DLGAP1: variants seen among roughly 807,000 people sequenced by gnomAD.
DLGAP1 encodes DLG associated protein 1.
In DLGAP1, 11 loss-of-function variants were observed where a neutral mutation model predicts 90.8. The ratio of observed to expected loss-of-function variants is 0.12; its 90% CI spans 0.08 to 0.20. The LOEUF (loss-of-function observed/expected upper bound fraction) is 0.20, where lower values mean the gene tolerates loss of function less well. Among genes scored for constraint, DLGAP1 ranks in the 10% least tolerant of loss-of-function variants. DLGAP1 has a pLI of 1.00. For missense variants in DLGAP1, 1,050 were observed against 1,333.8 expected (o/e 0.79, Z 3.31); for synonymous variants, 558 against 540.7 (o/e 1.03, Z -0.44).
chr18:3,898,136 CT>C (rs1368021646), intron 3 of DLGAP1, among the ~76,000 whole-genome samples: 2 of 152,286 alleles, frequency 1.3e-5, no homozygotes, highest in African/African-American at 4.8e-5. Context: ...TTGCAATTTA[CT>C]TTATTTACTG....
rs2147459336 is a variant in DLGAP1 at position 3,729,193 on chromosome 18, C to T, written c.1533G>A (p.Leu511=). The T allele has an allele frequency of 6.2e-7, 1 of 1,613,768 alleles. No homozygotes were observed. The highest frequency in any genetic ancestry group is 8.5e-7 in the Non-Finnish European group (1 of 1,179,892). The stretch of plus-strand genomic sequence containing the variant: ...TGGTGCGCGGCGGCGAGGACGACCT[C>T]AGGGACACGCACTCGTCGTCCTGGG... ...GCSQDDECVS[L]RSSSPPRTTT... The change falls in exon 7 of 13, where the codon CTG becomes CTA. Residue 511 remains leucine, a synonymous_variant. Transcript: ENST00000315677. This position sits in a 1 kb window ranked among gnomAD's most constrained non-coding sequence, Gnocchi z 6.2.
chr18:4,057,049 ACACACACACACAT>A, intron 2 of DLGAP1, among the ~76,000 whole-genome samples: 1 of 134,798 alleles, frequency 7.4e-6, no homozygotes, highest in South Asian at 2.4e-4. Flanking sequence ...ACACACACAC[ACACACACACACAT>A]TACAGCAGGT....
Position 4,163,008 on chromosome 18 carries a change from G to T in DLGAP1, c.-266-11721C>A, listed in dbSNP as rs183174536. Among the ~76,000 whole-genome samples the T allele has an allele frequency of 9.9e-5, 15 of 152,078 alleles. No homozygotes were observed. The East Asian group carries it at 2.9e-3, about 29-fold the overall frequency. On this transcript the variant is annotated intron_variant, in intron 1 of 12. Coordinates refer to ENST00000315677, the MANE Select transcript of DLGAP1 (RefSeq NM_004746.4). ...GATGTTAAATGCTTGAGTCTGACTC[G>T]CCCACTGCTAAGAGTGTTGAGTAGG...
At chr18:3,813,433 C>T (rs2066940274) in intron 5 of DLGAP1, among the ~76,000 whole-genome samples, 3 of 152,128 alleles carry the variant, frequency 2.0e-5, no homozygotes, top group South Asian at 4.1e-4. Context: ...AGTGAAATCG[C>T]TTAATGATGC....
intron 1 of DLGAP1, among the ~76,000 whole-genome samples, chr18:4,419,025 C>G (rs914452015): frequency 6.6e-6 from 1 of 152,066 alleles, no homozygotes; most frequent in African/African-American, 2.4e-5. Flanking sequence ...AAGATAAGAA[C>G]TATAGCAGAC....
chr18:4,366,603 T>C (rs1241918217), intron 1 of DLGAP1, among the ~76,000 whole-genome samples: 1 of 151,702 alleles, frequency 6.6e-6, no homozygotes, highest in Non-Finnish European at 1.5e-5. Context: ...CTGAAAAGAA[T>C]CCTTAGTGGG....
intron 5 of DLGAP1, among the ~76,000 whole-genome samples, chr18:3,774,038 C>T (rs181373589): frequency 2.0e-5 from 3 of 152,304 alleles, no homozygotes; most frequent in African/African-American, 7.2e-5. Flanking sequence ...TCACCTCCTT[C>T]CTCCTACTTA....
At chr18:4,061,324 T>C (rs1310435036) in intron 2 of DLGAP1, among the ~76,000 whole-genome samples, 1 of 152,144 alleles carries the variant, frequency 6.6e-6, no homozygotes, top group Non-Finnish European at 1.5e-5. Context: ...TGTTTTAAGT[T>C]AGATAGGATA....
At chr18:3,738,025 T>C (rs1306093325) in intron 6 of DLGAP1, among the ~76,000 whole-genome samples, 1 of 151,294 alleles carries the variant, frequency 6.6e-6, no homozygotes, top group East Asian at 1.9e-4. Context: ...CCATTCACAA[T>C]TGCTTCAAAG....
intron 1 of DLGAP1, among the ~76,000 whole-genome samples, chr18:4,180,331 G>A (rs1432479828): frequency 6.6e-6 from 1 of 152,146 alleles, no homozygotes; most frequent in Non-Finnish European, 1.5e-5. Flanking sequence ...GGGTTTGTCT[G>A]GGACTTTACT....
At chr18:3,814,351 T>A in intron 4 of DLGAP1, 78 bp from the exon 5 acceptor site, 2 of 1,333,628 alleles carry the variant, frequency 1.5e-6, no homozygotes, top group Non-Finnish European at 2.0e-6. Context: ...TTTTTAGATT[T>A]AACATTTCTA....
intron 5 of DLGAP1, among the ~76,000 whole-genome samples, chr18:3,765,670 TA>T (rs1306157388): frequency 1.3e-5 from 2 of 151,374 alleles, no homozygotes; most frequent in Non-Finnish European, 2.9e-5. Context: ...CCGTCTCTAT[TA>T]AAAATACAAA....
At chr18:4,066,880 G>C (rs1436857435) in intron 2 of DLGAP1, among the ~76,000 whole-genome samples, 2 of 152,098 alleles carry the variant, frequency 1.3e-5, no homozygotes. Context: ...GCATGTGAAT[G>C]TTCATTGCAG....
At chr18:3,811,027 A>G (rs1214160398) in intron 5 of DLGAP1, among the ~76,000 whole-genome samples, 3 of 152,126 alleles carry the variant, frequency 2.0e-5, no homozygotes, top group Non-Finnish European at 4.4e-5. Context: ...GCTGGTCTCG[A>G]ACTCCTGGGC....
intron 7 of DLGAP1, among the ~76,000 whole-genome samples, chr18:3,624,040 G>T (rs2058202758): frequency 6.6e-6 from 1 of 152,136 alleles, no homozygotes; most frequent in African/African-American, 2.4e-5. Context: ...CGGAAGTAAG[G>T]CACATTTAGG....
At chr18:4,120,820 T>C (rs2076142274) in intron 2 of DLGAP1, among the ~76,000 whole-genome samples, 1 of 151,880 alleles carries the variant, frequency 6.6e-6, no homozygotes, top group Admixed American at 6.6e-5. Flanking sequence ...TTTCTTTTTC[T>C]TTCTTTTATT....
intron 2 of DLGAP1, among the ~76,000 whole-genome samples, chr18:4,118,643 G>C (rs2076101443): frequency 2.1e-4 from 1 of 4,660 alleles, no homozygotes; most frequent in South Asian, 0.062. Flanking sequence ...GTAGCCCCAG[G>C]CTGGGGAGCT....
intron 3 of DLGAP1, among the ~76,000 whole-genome samples, chr18:3,924,736 T>C (rs1185006711): frequency 6.6e-6 from 1 of 152,212 alleles, no homozygotes; most frequent in Non-Finnish European, 1.5e-5. Context: ...TCCAAGGAAC[T>C]GAAATTGGAA....
chr18:4,267,129 AAC>A (rs2079148048), intron 1 of DLGAP1, among the ~76,000 whole-genome samples: 1 of 152,162 alleles, frequency 6.6e-6, no homozygotes, highest in Non-Finnish European at 1.5e-5. Context: ...GCTTATCACA[AAC>A]ACAATATCCT....
Sources: gnomAD v4.1 joint callset for allele counts (sites outside exome capture counted in the v4.1 genomes callset) on GRCh38, gnomAD v4.1.1 for gene constraint, Gnocchi (gnomAD v3.1) non-coding constraint, MANE v1.5 for transcripts, NCBI Gene and HGNC (gene_info 2026-07-23, HGNC 2026-07-21) for gene names.